Variants in VEPH1 observed in about 807,000 individuals in gnomAD.
VEPH1 encodes the protein ventricular zone expressed PH domain containing 1, also known as ventricular zone-expressed PH domain-containing protein homolog 1.
VEPH1 carries 80 observed loss-of-function variants against 85.2 expected under a neutral mutation model. That is an observed-to-expected ratio of 0.94 (90% CI 0.78 to 1.13). VEPH1 has a LOEUF of 1.13. Among genes scored for constraint, VEPH1 ranks in the 50% most tolerant of loss-of-function variants. The pLI is 0.00. For missense variants in VEPH1, 955 were observed against 980.5 expected (o/e 0.97, Z 0.35); for synonymous variants, 297 against 348.0 (o/e 0.85, Z 1.63).
At chr3:157,466,415 T>C (rs946839028) in intron 3 of VEPH1, among the ~76,000 whole-genome samples, 3 of 152,240 alleles carry the variant, frequency 2.0e-5, no homozygotes, top group African/African-American at 4.8e-5. Flanking sequence ...AGTAGTTTGA[T>C]GTCTTGAATG....
In VEPH1 at chr3:157,357,911, T is replaced by A. The variant is rs1725626450; in HGVS notation, c.1735+5453A>T. ...TAATGAGAAATAAAGTTATGTTATG[T>A]CTTCTTTTGGAAGTTTGCAACATGT... is the stretch of plus-strand genomic sequence containing the variant. On this transcript the variant is annotated intron_variant, in intron 9 of 13. Transcript: ENST00000362010. Among the ~76,000 whole-genome samples, 3 of 152,340 alleles carry A rather than the reference T, an allele frequency of 2.0e-5. No homozygotes were observed. In the South Asian group the frequency reaches 6.2e-4, roughly 32 times the overall value.
At chr3:157,317,601 C>G (rs1720878167) in intron 9 of VEPH1, among the ~76,000 whole-genome samples, 2 of 152,146 alleles carry the variant, frequency 1.3e-5, no homozygotes, top group Non-Finnish European at 2.9e-5. Context: ...ACCATGGATG[C>G]TGTTCTCTTG....
chr3:157,413,603 A>G (rs1731683123), intron 6 of VEPH1: 2 of 985,216 alleles, frequency 2.0e-6, no homozygotes, highest in South Asian at 4.7e-5. Context: ...TAAAAGACTC[A>G]CTTCCTAAAC....
chr3:157,462,104 C>T (rs567530706), intron 3 of VEPH1, among the ~76,000 whole-genome samples: 2 of 147,816 alleles, frequency 1.4e-5, no homozygotes, highest in East Asian at 2.0e-4. Flanking sequence ...AATATATATA[C>T]ACACTCTTCC....
intron 11 of VEPH1, among the ~76,000 whole-genome samples, chr3:157,292,231 C>A (rs1322713425): frequency 6.6e-6 from 1 of 152,210 alleles, no homozygotes; most frequent in African/African-American, 2.4e-5. Flanking sequence ...TGCACGCCAT[C>A]TACATTTTTA....
intron 12 of VEPH1, among the ~76,000 whole-genome samples, chr3:157,277,139 C>T (rs922251099): frequency 6.6e-6 from 1 of 152,202 alleles, no homozygotes; most frequent in African/African-American, 2.4e-5. Flanking sequence ...GATCCACCCA[C>T]CTGGGCCTCC....
Position 157,363,372 on chromosome 3 carries a change from G to T in VEPH1, c.1727C>A (p.Thr576Asn). 6.2e-7 allele frequency: 1 copy of T among 1,603,230 alleles called. No homozygotes were observed. Reference sequence around the variant, plus strand: ...AAGTACACAACACTTACCTTCAATGGTACACTGATCAGGGACTGGAATCTT... The same window carrying T: ...AAGTACACAACACTTACCTTCAATGTTACACTGATCAGGGACTGGAATCTT... ...GKKIPVPDQC[T>N]IEDTVRSCVA... is the part of the protein sequence containing the mutation. Residue 576 changes from threonine to asparagine, a missense_variant, in exon 9 of 14, where the codon ACC becomes AAC. Coordinates refer to ENST00000362010, the MANE Select transcript of VEPH1 (RefSeq NM_001167912.2).
chr3:157,410,104 A>G (rs1344169756), intron 6 of VEPH1, among the ~76,000 whole-genome samples: 1 of 152,156 alleles, frequency 6.6e-6, no homozygotes, highest in African/African-American at 2.4e-5. Context: ...TGACAGTTTG[A>G]ACCCCTAAAC....
intron 4 of VEPH1, among the ~76,000 whole-genome samples, chr3:157,432,972 C>T (rs1272796439): frequency 1.3e-5 from 2 of 152,072 alleles, no homozygotes; most frequent in Non-Finnish European, 2.9e-5. Flanking sequence ...GCTTAGGTAT[C>T]CCATAGCTAT....
intron 9 of VEPH1, among the ~76,000 whole-genome samples, chr3:157,348,904 A>G (rs1179503749): frequency 1.3e-5 from 2 of 152,204 alleles, no homozygotes; most frequent in African/African-American, 2.4e-5. Flanking sequence ...AGCCTTCACC[A>G]CTGAATTCTA....
At chr3:157,309,841 G>A (rs768736194) in intron 11 of VEPH1, among the ~76,000 whole-genome samples, 9 of 151,810 alleles carry the variant, frequency 5.9e-5, no homozygotes, top group East Asian at 1.9e-4. Context: ...GTGCAGTGGC[G>A]GGATCTTGGC....
intron 12 of VEPH1, among the ~76,000 whole-genome samples, chr3:157,268,088 CT>C (rs1713982525): frequency 2.0e-5 from 3 of 152,286 alleles, no homozygotes; most frequent in African/African-American, 7.2e-5. Flanking sequence ...TTCTGCTTTG[CT>C]TTGATAGGAA....
intron 2 of VEPH1, among the ~76,000 whole-genome samples, chr3:157,480,330 G>A (rs529353714): frequency 1.6e-4 from 24 of 151,984 alleles, no homozygotes; most frequent in Admixed American, 5.3e-4. Context: ...GATTCAGAGC[G>A]TACATCAGCA....
At chr3:157,430,444 T>C (rs962806229) in intron 4 of VEPH1, among the ~76,000 whole-genome samples, 1 of 152,254 alleles carries the variant, frequency 6.6e-6, no homozygotes, top group African/African-American at 2.4e-5. Flanking sequence ...TGTATAAATA[T>C]GCAACAACTT....
chr3:157,263,001 A>T (rs1028126104), intron 13 of VEPH1, among the ~76,000 whole-genome samples: 5 of 152,230 alleles, frequency 3.3e-5, no homozygotes, highest in African/African-American at 1.2e-4. Flanking sequence ...ACAGGAATAG[A>T]TAGAAAGTCA....
intron 9 of VEPH1, among the ~76,000 whole-genome samples, chr3:157,334,456 ATTAC>A (rs1285432384): frequency 6.6e-6 from 1 of 152,164 alleles, no homozygotes; most frequent in Non-Finnish European, 1.5e-5. Context: ...AATGTTACAG[ATTAC>A]TTGTCATTAA....
At chr3:157,477,620 G>A (rs1334274591) in intron 2 of VEPH1, among the ~76,000 whole-genome samples, 2 of 152,128 alleles carry the variant, frequency 1.3e-5, no homozygotes, top group African/African-American at 4.8e-5. Flanking sequence ...ATGCCCATGA[G>A]AGCATTCATC....
intron 9 of VEPH1, among the ~76,000 whole-genome samples, chr3:157,341,429 T>C (rs867551354): frequency 7.9e-5 from 12 of 152,246 alleles, no homozygotes; most frequent in Middle Eastern, 3.4e-3. Context: ...GTATCAGTGA[T>C]TGAAGATCAA....
chr3:157,413,854 G>T (rs199549052), intron 6 of VEPH1, 27 bp downstream of exon 6: 70 of 1,608,582 alleles, frequency 4.4e-5, no homozygotes, highest in Non-Finnish European at 5.6e-5. Flanking sequence ...CAATTCAGGG[G>T]AATGGAGAGA....
Sources: allele counts gnomAD v4.1 joint callset (sites outside exome capture counted in the v4.1 genomes callset), GRCh38; gene constraint gnomAD v4.1.1; transcripts MANE v1.5; gene names NCBI Gene and HGNC (gene_info 2026-07-23, HGNC 2026-07-21).